Variants in AKR1E2 observed in about 807,000 individuals in gnomAD.
AKR1E2 encodes 1,5-anhydro-D-fructose reductase.
AKR1E2 carries 43 observed loss-of-function variants against 41.9 expected under a neutral mutation model. The observed-to-expected ratio is 1.03, with a 90% CI of 0.80 to 1.32. AKR1E2 has a LOEUF of 1.32. Among genes scored for constraint, AKR1E2 ranks in the 40% most tolerant of loss-of-function variants. AKR1E2 has a pLI of 0.00. For missense variants in AKR1E2, 423 were observed against 396.5 expected, an observed-to-expected ratio of 1.07 and a Z score of -0.57; for synonymous variants, 121 against 138.9, an observed-to-expected ratio of 0.87 and a Z score of 0.91.
downstream of AKR1E2, among the ~76,000 whole-genome samples, chr10:4,849,989 G>A (rs142345253): frequency 2.3e-4 from 35 of 152,338 alleles, no homozygotes; most frequent in African/African-American, 7.5e-4. Context: ...CTGGGCAACT[G>A]CAAAGCTTAA....
intron 1 of AKR1E2, among the ~76,000 whole-genome samples, chr10:4,827,254 C>T (rs1382280751): frequency 6.6e-6 from 1 of 152,054 alleles, no homozygotes; most frequent in Non-Finnish European, 1.5e-5. Context: ...TATACAATTG[C>T]AATGTGGTTA....
downstream of AKR1E2, chr10:4,848,198 C>T (rs1161074871): frequency 6.6e-6 from 1 of 152,068 alleles, no homozygotes; most frequent in Admixed American, 6.6e-5. Context: ...CTGCCTCAGC[C>T]CCCCAAGTAG....
intron 1 of AKR1E2, among the ~76,000 whole-genome samples, chr10:4,828,377 C>G (rs1189390804): frequency 6.6e-6 from 1 of 152,216 alleles, no homozygotes; most frequent in Admixed American, 6.5e-5. Flanking sequence ...TTAGGGGCCA[C>G]TTGATCCATC....
At chr10:4,854,096 T>G in the AKR1E2 span, among the ~76,000 whole-genome samples, 39,840 of 133,168 alleles carry the variant, frequency 0.3, 5,672 homozygotes, top group Middle Eastern at 0.42. Context: ...TTTTTTTTTT[T>G]TTTTTTTTTT....
At chr10:4,828,977 A>G (rs1832758545) in intron 1 of AKR1E2, among the ~76,000 whole-genome samples, 1 of 151,920 alleles carries the variant, frequency 6.6e-6, no homozygotes. Context: ...TACACAAATG[A>G]TCATATCATC....
chr10:4,845,063 G>C (rs142731121), intron 8 of AKR1E2, among the ~76,000 whole-genome samples: 6 of 152,160 alleles, frequency 3.9e-5, no homozygotes, highest in Admixed American at 3.9e-4. Context: ...CCTGCCCTGC[G>C]GGGAGGCAGC....
intron 1 of AKR1E2, among the ~76,000 whole-genome samples, chr10:4,830,075 G>A (rs759544311): frequency 1.2e-4 from 18 of 152,140 alleles, no homozygotes; most frequent in Non-Finnish European, 2.1e-4. Context: ...GTGAGAAAGT[G>A]GTTTGTGAAC....
At chr10:4,833,205 T>A in intron 2 of AKR1E2, 145 bp from the exon 3 acceptor site, 1 of 697,484 alleles carries the variant, frequency 1.4e-6, no homozygotes, top group Non-Finnish European at 2.6e-6. Flanking sequence ...GTCCCTGTCC[T>A]CCCATCAGAA....
At chr10:4,831,428 C>CA (rs1460401651) in intron 2 of AKR1E2, among the ~76,000 whole-genome samples, 2 of 152,146 alleles carry the variant, frequency 1.3e-5, no homozygotes, top group African/African-American at 4.8e-5. Context: ...GGGGAGGCCT[C>CA]ACAATCATGG....
the AKR1E2 span, among the ~76,000 whole-genome samples, chr10:4,854,474 C>G: frequency 5.3e-5 from 8 of 152,112 alleles, no homozygotes; most frequent in Non-Finnish European, 7.3e-5. Context: ...ATCTAAGAAC[C>G]CTCTCTTGGG....
rs1156947290 is a variant in AKR1E2 at position 4,842,441 on chromosome 10, C to G, written c.774C>G (p.Ile258Met). The G allele has an allele frequency of 1.2e-6, 2 of 1,614,068 alleles. No individual in the cohort carries two copies. Among genetic ancestry groups the G allele is most frequent in the African/African-American group, 1.3e-5 (1 of 75,042 alleles). ...SPAQILIRFQ[I>M]QRNVIVIPGS... The stretch of plus-strand genomic sequence containing the variant: ...TGCAGATTTTGATCCGATTTCAAAT[C>G]CAGAGGAATGTGATAGTGATCCCCG... The change falls in exon 8 of 10, where the codon ATC becomes ATG. Residue 258 changes from isoleucine to methionine, a missense_variant. Ile to Met is a conservative substitution (Grantham distance 10). Transcript: ENST00000298375.
chr10:4,826,709 C>G (rs538031210), intron 1 of AKR1E2, among the ~76,000 whole-genome samples: 52 of 152,218 alleles, frequency 3.4e-4, no homozygotes, highest in East Asian at 7.8e-4. Flanking sequence ...GCGGGGATGC[C>G]GAGGGGAGGC....
At chr10:4,833,512 TC>T in intron 3 of AKR1E2, 46 bp downstream of exon 3, 1 of 1,507,786 alleles carries the variant, frequency 6.6e-7, no homozygotes, top group Non-Finnish European at 9.2e-7. Context: ...AGGACCTTCC[TC>T]CCCGTGCTCA....
chr10:4,827,730 C>T (rs75739770), intron 1 of AKR1E2, among the ~76,000 whole-genome samples: 1 of 152,260 alleles, frequency 6.6e-6, no homozygotes, highest in South Asian at 2.1e-4. Context: ...ATTTCTCTTA[C>T]CTGCTTACCA....
At chr10:4,845,519 C>CTG (rs1181525699) in intron 8 of AKR1E2, among the ~76,000 whole-genome samples, 1 of 140,540 alleles carries the variant, frequency 7.1e-6, no homozygotes, top group African/African-American at 2.5e-5. Flanking sequence ...TCAATGGGGG[C>CTG]CTGGCCTAAG....
chr10:4,832,834 G>GA (rs753325375), intron 2 of AKR1E2, among the ~76,000 whole-genome samples: 4 of 152,190 alleles, frequency 2.6e-5, no homozygotes, highest in East Asian at 3.9e-4. Flanking sequence ...AAAATGAGGG[G>GA]AAAAACACAA....
At chr10:4,858,499 G>A in the AKR1E2 span, among the ~76,000 whole-genome samples, 1 of 152,302 alleles carries the variant, frequency 6.6e-6, no homozygotes, top group Non-Finnish European at 1.5e-5. Flanking sequence ...TTATTTCAAT[G>A]CAATTGGTGC....
rs1432556358 is a variant in AKR1E2, at chr10:4,826,353, G to C, written c.29G>C (p.Ser10Thr). 1.6e-6 allele frequency: 2 copies of C among 1,234,848 alleles called. No individual in the cohort carries two copies. The highest frequency in any genetic ancestry group is 3.1e-5 in the African/African-American group (2 of 64,336). 76.5% of individuals were successfully genotyped at this position (1,234,848 alleles called of 1,614,324 possible). A position where few individuals can be genotyped will look rare whatever the true frequency, so the allele number is the denominator to read the frequency against. Residue 10 changes from serine (S) to threonine (T), a missense_variant, in exon 1 of 10, where the codon AGC becomes ACC. Transcript: ENST00000298375. ...GGAGATATCCCAGCCGTGGGCCTCA[G>C]CTCCTGGAAGGTGACGCGGTCGCGG... MGDIPAVGL[S>T]SWKASPGKVT...
At chr10:4,868,415 T>C in the AKR1E2 span, among the ~76,000 whole-genome samples, 3 of 152,338 alleles carry the variant, frequency 2.0e-5, no homozygotes, top group East Asian at 5.8e-4. Context: ...TGGTCTGTTT[T>C]TGTGGGTGGG....
Sources: gnomAD v4.1 joint callset for allele counts (sites outside exome capture counted in the v4.1 genomes callset) on GRCh38, gnomAD v4.1.1 for gene constraint, MANE v1.5 for transcripts, NCBI Gene and HGNC (gene_info 2026-07-23, HGNC 2026-07-21) for gene names.